Variants in RASSF3 observed in about 807,000 individuals in gnomAD.
The protein encoded by RASSF3 is Ras association domain family member 3, also known as ras association domain-containing protein 3.
In RASSF3, 19 loss-of-function variants were observed where a neutral mutation model predicts 19.9. That is an observed-to-expected ratio of 0.96 (90% confidence interval 0.67 to 1.40). The LOEUF is 1.40. RASSF3 is among the 40% of genes most tolerant of loss of function. The pLI is 0.00. For synonymous variants in RASSF3, 110 were observed against 104.2 expected, an observed-to-expected ratio of 1.06 and a Z score of -0.34; for missense variants, 306 against 289.8, an observed-to-expected ratio of 1.06 and a Z score of -0.41.
chr12:64,567,852 C>G (rs1430746811), intron 2 of RASSF3, among the ~76,000 whole-genome samples: 1 of 152,218 alleles, frequency 6.6e-6, no homozygotes, highest in East Asian at 1.9e-4. Context: ...GCTGCCCAGG[C>G]AGGCGTAATG....
At chr12:64,574,997 A>C (rs1238604712) in intron 2 of RASSF3, among the ~76,000 whole-genome samples, 1 of 152,242 alleles carries the variant, frequency 6.6e-6, no homozygotes, top group Non-Finnish European at 1.5e-5. Context: ...CTGAAACTGG[A>C]AACTTGCTAA....
At chr12:64,675,334 G>A (rs777286202) in intron 1 of RASSF3, among the ~76,000 whole-genome samples, 3 of 151,916 alleles carry the variant, frequency 2.0e-5, no homozygotes, top group Non-Finnish European at 4.4e-5. Context: ...ATTTTAAATA[G>A]AGATGGGGTT....
Position 64,688,311 on chromosome 12 carries a change from T to G in RASSF3, c.315T>G (p.Ser105Arg), listed in dbSNP as rs750071804. 2 of 1,614,082 alleles carry G rather than the reference T, an allele frequency of 1.2e-6. No homozygotes were observed. Among genetic ancestry groups the G allele is most frequent in the East Asian group, 2.2e-5 (1 of 44,882 alleles). ...CAAATTCTGGAAAACTCTCTCCCAG[T>G]AGCAATGGCTGTATGAATACACTTC... The part of the protein sequence containing the change: ...TSPNSGKLSP[S>R]SNGCMNTLHI... Residue 105 changes from serine (S) to arginine (R), a missense_variant, in exon 3 of 5, where the codon AGT (serine) becomes AGG (arginine). Transcript: ENST00000542104.
intron 1 of RASSF3, among the ~76,000 whole-genome samples, chr12:64,516,428 A>G (rs1028227454): frequency 1.7e-4 from 25 of 149,326 alleles, no homozygotes; most frequent in African/African-American, 3.2e-4. Context: ...GACCATCCCG[A>G]CTAGAACGGT....
At chr12:64,543,759 G>A (rs931084105), downstream of RASSF3, among the ~76,000 whole-genome samples, 1 of 151,632 alleles carries the variant, frequency 6.6e-6, no homozygotes, top group Non-Finnish European at 1.5e-5. Flanking sequence ...TCTAGCTAAG[G>A]GATTGTGAAT....
chr12:64,673,983 G>C (rs1053878180), intron 1 of RASSF3, among the ~76,000 whole-genome samples: 4 of 152,196 alleles, frequency 2.6e-5, no homozygotes, highest in Admixed American at 2.6e-4. Context: ...GGTATGGAGG[G>C]CTGGTAACCA....
At chr12:64,650,453 T>TA (rs1188586879) in intron 1 of RASSF3, among the ~76,000 whole-genome samples, 1 of 145,978 alleles carries the variant, frequency 6.9e-6, no homozygotes, top group Non-Finnish European at 1.5e-5. Context: ...CTTGCACTGT[T>TA]ACCTGGGCTG....
chr12:64,645,492 G>A (rs1464949416), intron 1 of RASSF3, among the ~76,000 whole-genome samples: 1 of 152,064 alleles, frequency 6.6e-6, no homozygotes, highest in Non-Finnish European at 1.5e-5. Flanking sequence ...GGGCAACATA[G>A]TGAGACCCTG....
At chr12:64,541,701 G>A (rs1051168457) in exon 2 of RASSF3, 2 of 398,502 alleles carry the variant, frequency 5.0e-6, no homozygotes, top group East Asian at 7.1e-5. Context: ...AAAAAGAACA[G>A]TCAGGTAGGC....
chr12:64,660,875 G>T (rs747734419), intron 1 of RASSF3, among the ~76,000 whole-genome samples: 3 of 152,184 alleles, frequency 2.0e-5, no homozygotes, highest in Non-Finnish European at 2.9e-5. Context: ...TTGGCGGGGA[G>T]TCACATGGCC....
chr12:64,578,079 C>A (rs557763063), intron 2 of RASSF3, among the ~76,000 whole-genome samples: 1 of 151,522 alleles, frequency 6.6e-6, no homozygotes, highest in Non-Finnish European at 1.5e-5. Flanking sequence ...ATTAGCTGGG[C>A]ATGGTGACGG....
intron 1 of RASSF3, among the ~76,000 whole-genome samples, chr12:64,645,632 C>G (rs557590870): frequency 6.6e-6 from 1 of 152,170 alleles, no homozygotes; most frequent in African/African-American, 2.4e-5. Flanking sequence ...TCTATCCTGT[C>G]TTCCCATCCT....
chr12:64,631,144 A>G (rs191111606), intron 1 of RASSF3, among the ~76,000 whole-genome samples: 47 of 152,340 alleles, frequency 3.1e-4, no homozygotes, highest in African/African-American at 1.1e-3. Context: ...GGGCACCAGC[A>G]GGTAAGAAGT....
intron 2 of RASSF3, among the ~76,000 whole-genome samples, chr12:64,591,154 C>A (rs1869914290): frequency 6.6e-6 from 1 of 152,060 alleles, no homozygotes; most frequent in Admixed American, 6.6e-5. Flanking sequence ...TAAAAGTGGG[C>A]AGCTGCTTCT....
intron 2 of RASSF3, among the ~76,000 whole-genome samples, chr12:64,586,489 C>CAAAAA (rs1455536821): frequency 4.1e-5 from 1 of 24,266 alleles, no homozygotes; most frequent in African/African-American, 2.9e-4. Flanking sequence ...GACTCCTTCT[C>CAAAAA]AGAAAAAAAA....
At chr12:64,616,736 G>A (rs1435745026) in intron 1 of RASSF3, among the ~76,000 whole-genome samples, 1 of 152,220 alleles carries the variant, frequency 6.6e-6, no homozygotes. Flanking sequence ...CTTGTAGGAA[G>A]TTTTTATTCT....
intron 2 of RASSF3, among the ~76,000 whole-genome samples, chr12:64,588,307 T>C (rs1046404550): frequency 4.5e-4 from 68 of 152,332 alleles, no homozygotes; most frequent in African/African-American, 1.5e-3. Flanking sequence ...TTCTGCATGA[T>C]ACAGAATTGC....
chr12:64,672,268 C>T (rs896231329), intron 1 of RASSF3, among the ~76,000 whole-genome samples: 16 of 152,034 alleles, frequency 1.1e-4, no homozygotes, highest in African/African-American at 3.9e-4. Context: ...CTCTGTCACC[C>T]GGGCTGGAGT....
At chr12:64,576,071 T>C (rs1054355361) in intron 2 of RASSF3, among the ~76,000 whole-genome samples, 3 of 152,010 alleles carry the variant, frequency 2.0e-5, no homozygotes, top group Non-Finnish European at 2.9e-5. Context: ...ATATTTTTAG[T>C]AGAGACAGGG....
Sources: gnomAD v4.1 joint callset for allele counts (sites outside exome capture counted in the v4.1 genomes callset) on GRCh38, gnomAD v4.1.1 for gene constraint, MANE v1.5 for transcripts, NCBI Gene and HGNC (gene_info 2026-07-23, HGNC 2026-07-21) for gene names.